The following CACNA1H variants were observed in gnomAD, a reference collection of about 807,000 sequenced individuals.
CACNA1H encodes the protein voltage-dependent T-type calcium channel subunit alpha-1H.
Under a neutral mutation model 192.5 loss-of-function variants are expected in CACNA1H, and 149 were observed. The ratio of observed to expected loss-of-function variants is 0.77; its 90% confidence interval spans 0.68 to 0.89. CACNA1H has a LOEUF of 0.89. Among genes scored for constraint, CACNA1H ranks in the 40% least tolerant of loss-of-function variants. The pLI is 0.00. For missense variants in CACNA1H, 4,257 were observed against 3,423.5 expected, an observed-to-expected ratio of 1.24 and a Z score of -6.08; for synonymous variants, 2,202 against 1,475.2, an observed-to-expected ratio of 1.49 and a Z score of -11.29.
intron 2 of CACNA1H, among the ~76,000 whole-genome samples, chr16:1,177,531 C>G (rs1020915668): frequency 2.0e-5 from 3 of 152,104 alleles, no homozygotes; most frequent in African/African-American, 7.2e-5. Context: ...GGAACGAGCT[C>G]CAAGTGAGAA....
At chr16:1,198,430 G>A (rs1423961893) in intron 5 of CACNA1H, among the ~76,000 whole-genome samples, 185 bp from the exon 6 acceptor site, 2 of 151,942 alleles carry the variant, frequency 1.3e-5, no homozygotes, top group African/African-American at 4.8e-5. Flanking sequence ...GTGGTGGTAG[G>A]AGGGGAGTCC....
chr16:1,205,379 T>C (rs1175418070), intron 11 of CACNA1H, 114 bp downstream of exon 11: 13 of 1,172,226 alleles, frequency 1.1e-5, no homozygotes, highest in Non-Finnish European at 1.6e-5. Context: ...CGATAGCTCT[T>C]TATGACAGGC....
rs72556371 is a variant in CACNA1H at position 1,207,722 on chromosome 16, C to T, written c.3064-48C>T. On this transcript the variant is annotated intron_variant, in intron 14 of 34. Transcript: ENST00000348261. ...AGACTTCTGTCCGGCATGAAGGGTC[C>T]CCACTCACGGGGCCCCTCATGCCTG... 1.7e-3 allele frequency: 2,492 copies of T among 1,491,430 alleles called. 27 individuals carry two copies. In the African/African-American group the frequency reaches 0.029, roughly 17 times the overall value. 92.4% of individuals were successfully genotyped at this position (1,491,430 alleles called of 1,614,324 possible).
rs2141242375 is a variant in CACNA1H, at chr16:1,200,346, C to T, written c.894C>T (p.Gly298=). 1.2e-6 allele frequency: 2 copies of T among 1,602,358 alleles called. No homozygotes were observed. Among genetic ancestry groups the T allele is most frequent in the Admixed American group, 3.4e-5 (2 of 58,836 alleles). The part of the protein sequence containing the change: ...PFICSSRRDN[G]MQKCSHIPGR... The stretch of plus-strand genomic sequence containing the variant: ...TCTGCTCCTCACGCCGAGACAACGG[C>T]ATGCAGAAGTGCTCGCACATCCCCG... The change falls in exon 7 of 35, where the codon GGC becomes GGT. Residue 298 remains glycine, a synonymous_variant. Coordinates refer to ENST00000348261, the MANE Select transcript of CACNA1H (RefSeq NM_021098.3).
intron 26 of CACNA1H, among the ~76,000 whole-genome samples, chr16:1,213,306 A>G (rs1272344371): frequency 6.6e-6 from 1 of 152,132 alleles, no homozygotes; most frequent in Non-Finnish European, 1.5e-5. Context: ...CCAGCCCTTC[A>G]TCAGTGTCTC....
Position 1,211,178 on chromosome 16 carries a change from C to A in CACNA1H, c.4234C>A (p.Arg1412=), listed in dbSNP as rs772769994. ...RTLRPLRVIS[R]APGLKLVVET... Reference sequence around the variant, plus strand: ...TTCACTCCCCTCCAGGGTCATCAGCCGGGCCCCGGGCCTCAAGCTGGTGGT... The same window carrying A: ...TTCACTCCCCTCCAGGGTCATCAGCAGGGCCCCGGGCCTCAAGCTGGTGGT... The change falls in exon 22 of 35, where the codon CGG becomes AGG. Residue 1412 remains arginine, a synonymous_variant. Transcript: ENST00000348261. 1.9e-6 allele frequency: 3 copies of A among 1,612,778 alleles called. No individual in the cohort carries two copies. Among genetic ancestry groups the A allele is most frequent in the Non-Finnish European group, 2.5e-6 (3 of 1,179,706 alleles).
intron 2 of CACNA1H, among the ~76,000 whole-genome samples, chr16:1,175,583 G>A (rs1285856559): frequency 6.6e-6 from 1 of 152,168 alleles, no homozygotes; most frequent in African/African-American, 2.4e-5. Flanking sequence ...GTCCTTCACT[G>A]TTGCCGTGCC....
At chr16:1,205,981 C>G (rs1231196322) in intron 11 of CACNA1H, 123 bp from the exon 12 acceptor site, 1 of 868,714 alleles carries the variant, frequency 1.2e-6, no homozygotes, top group Non-Finnish European at 1.7e-6. Context: ...CATACCCTCT[C>G]CCATCTGTGG....
At chr16:1,211,403 C>A (rs1969432139) in intron 22 of CACNA1H, 78 bp from the exon 23 acceptor site, 1 of 1,607,050 alleles carries the variant, frequency 6.2e-7, no homozygotes, top group Non-Finnish European at 8.5e-7. Flanking sequence ...CAGCTCGGGC[C>A]TCACTCGCGC....
chr16:1,176,265 C>T (rs1032360440), intron 2 of CACNA1H, among the ~76,000 whole-genome samples: 1 of 152,224 alleles, frequency 6.6e-6, no homozygotes, highest in Non-Finnish European at 1.5e-5. Flanking sequence ...TAATTAGTGC[C>T]CGACGGGGCA....
At position 1,209,251 on chromosome 16, in the gene CACNA1H, C is replaced by T. The variant is rs576035669; in HGVS notation, c.3583C>T (p.Arg1195Trp). 3.4e-5 allele frequency: 53 copies of T among 1,544,222 alleles called. No homozygotes were observed. The highest frequency in any genetic ancestry group is 2.7e-4 in the Admixed American group (14 of 51,148). ...APGPRATPLR[R>W]AESLDPRPLR... ...CGGGCCCCGTGCCACCCCACTGCGG[C>T]GGGCCGAGTCCCTGGACCCACGGCC... Residue 1195 changes from arginine (R) to tryptophan (W), a missense_variant, in exon 17 of 35, where the codon CGG becomes TGG. Coordinates refer to ENST00000348261, the MANE Select transcript of CACNA1H (RefSeq NM_021098.3).
intron 33 of CACNA1H, 138 bp downstream of exon 33, chr16:1,218,789 C>T (rs996620670): frequency 8.8e-7 from 1 of 1,138,796 alleles, no homozygotes; most frequent in Non-Finnish European, 1.2e-6. Context: ...TGGGGGCAGG[C>T]AGGAGGGAGG....
chr16:1,167,343 G>T lies in CACNA1H; in HGVS notation c.299+13307G>T, dbSNP rs1963897922. 6.6e-6 allele frequency among the ~76,000 whole-genome samples: 1 copy of T among 152,172 alleles called. No individual in the cohort carries two copies. The highest frequency in any genetic ancestry group is 1.5e-5 in the Non-Finnish European group (1 of 68,020). ...ACACACGGGTGCGGGGGCGATATCG[G>T]CGCGGAGCGGGCGGGGTGGCGCCCG... On this transcript the variant is annotated intron_variant, in intron 2 of 34. Transcript: ENST00000348261. This position sits in a 1 kb window ranked among gnomAD's most constrained non-coding sequence, Gnocchi z 4.2.
At chr16:1,156,019 C>A (rs987494397) in intron 2 of CACNA1H, among the ~76,000 whole-genome samples, 2 of 152,192 alleles carry the variant, frequency 1.3e-5, no homozygotes, top group Admixed American at 6.5e-5. Context: ...CTGGGAAGAA[C>A]AGAGCATGCC....
rs557218686 is a variant in CACNA1H at position 1,162,379 on chromosome 16, C to G, written c.299+8343C>G. On this transcript the variant is annotated intron_variant, in intron 2 of 34. Coordinates refer to ENST00000348261, the MANE Select transcript of CACNA1H (RefSeq NM_021098.3). ...TTTCCCCACCTCACCTGTGGGCCCC[C>G]CCGGAGGGAGAAAAATGGCCCATGA... 9.2e-5 allele frequency among the ~76,000 whole-genome samples: 14 copies of G among 152,284 alleles called. No homozygotes were observed. The East Asian group carries it at 2.7e-3, about 30-fold the overall frequency.
chr16:1,219,201 C>A, intron 34 of CACNA1H, 71 bp downstream of exon 34: 1 of 1,390,580 alleles, frequency 7.2e-7, no homozygotes, highest in South Asian at 1.4e-5. Context: ...CTCGTCTCAT[C>A]TGAAGGACCA....
At chr16:1,200,146 C>G (rs1035568177) in intron 6 of CACNA1H, 110 bp from the exon 7 acceptor site, 21 of 891,764 alleles carry the variant, frequency 2.4e-5, no homozygotes, top group Non-Finnish European at 3.4e-5. Flanking sequence ...TGGCCCTGAC[C>G]CTGATCACGT....
At chr16:1,206,745 G>A (rs893757505) in intron 12 of CACNA1H, 1 of 495,466 alleles carries the variant, frequency 2.0e-6, no homozygotes, top group Non-Finnish European at 3.6e-6. Flanking sequence ...CAAATCCAGA[G>A]TGGCTTCCCT....
chr16:1,195,518 C>T lies in CACNA1H; in HGVS notation c.498C>T (p.Tyr166=), dbSNP rs58142268. 2.5e-3 allele frequency: 4,076 copies of T among 1,604,376 alleles called. 50 individuals carry two copies. The highest frequency in any genetic ancestry group is 0.022 in the East Asian group (986 of 44,460). The change falls in exon 4 of 35, where the codon TAC becomes TAT. Residue 166 remains tyrosine (Y), a synonymous_variant. Coordinates refer to ENST00000348261, the MANE Select transcript of CACNA1H (RefSeq NM_021098.3). The stretch of plus-strand genomic sequence containing the variant: ...TGGGGCTGTTCGGGCAGAAGTGTTA[C>T]CTGGGTGACACGTGGAACAGGCTGG... ...VALGLFGQKC[Y]LGDTWNRLDF...
Sources: allele counts gnomAD v4.1 joint callset (sites outside exome capture counted in the v4.1 genomes callset), GRCh38; gene constraint gnomAD v4.1.1; non-coding constraint Gnocchi (gnomAD v3.1); transcripts MANE v1.5; gene names NCBI Gene and HGNC (gene_info 2026-07-23, HGNC 2026-07-21).